SNX10: variants seen among roughly 807,000 people sequenced by gnomAD.
SNX10 encodes sorting nexin-10.
A neutral mutation model predicts 28.5 loss-of-function variants in SNX10; 25 were observed. The observed-to-expected ratio is 0.88, with a 90% confidence interval of 0.64 to 1.22. SNX10 has a LOEUF of 1.22. Among genes scored for constraint, SNX10 ranks in the 50% most tolerant of loss-of-function variants. The pLI is 0.00. For synonymous variants in SNX10, 62 were observed against 81.4 expected (o/e 0.76, Z 1.28); for missense variants, 223 against 242.6 (o/e 0.92, Z 0.54).
In SNX10 at chr7:26,361,030, A is replaced by G. The variant is rs753010873; in HGVS notation, c.80A>G (p.His27Arg). ...DPRIQKEDFW[H>R]SYIDYEICIH... ...AGGATTCAGAAGGAGGACTTCTGGC[A>G]TTCTTACATTGACTATGAGATATGT... The change falls in exon 3 of 7, where the codon CAT (histidine) becomes CGT (arginine). Residue 27 changes from histidine to arginine, a missense_variant. His to Arg is a conservative substitution (Grantham distance 29). Transcript: ENST00000338523. 26 of 1,608,220 alleles carry G rather than the reference A, an allele frequency of 1.6e-5. No individual in the cohort carries two copies. The South Asian group carries it at 2.0e-4, about 12-fold the overall frequency.
At chr7:26,328,653 C>T (rs1787603988) in intron 1 of SNX10, among the ~76,000 whole-genome samples, 1 of 152,186 alleles carries the variant, frequency 6.6e-6, no homozygotes, top group Non-Finnish European at 1.5e-5. Flanking sequence ...TGATGCCTCA[C>T]CACTGAAACT....
In SNX10 at chr7:26,371,996, G is replaced by T. The variant is rs1362602464; in HGVS notation, c.487G>T (p.Gly163Ter). Residue 163 changes from glycine to a stop codon, truncating the protein, a stop_gained, in exon 6 of 7, where the codon GGA (glycine) becomes TGA (stop). Transcript: ENST00000338523. LOFTEE classifies it high-confidence loss of function. ...ACGTTTCCCTGAAGAAGATGAAGAA[G>T]GAAAAAAAGAAAATGATATAGATTA... ...NRRFPEEDEE[G>*]KKENDIDYDS... 2.5e-6 allele frequency: 4 copies of T among 1,605,198 alleles called. No individual in the cohort carries two copies. Among genetic ancestry groups the T allele is most frequent in the Non-Finnish European group, 3.4e-6 (4 of 1,176,198 alleles).
intron 1 of SNX10, among the ~76,000 whole-genome samples, chr7:26,315,025 G>T (rs542975841): frequency 7.2e-4 from 87 of 121,334 alleles, no homozygotes; most frequent in African/African-American, 2.5e-3. Context: ...ACCAAGGAAG[G>T]GACTAGAAAG....
chr7:26,308,922 C>A (rs1453652194), intron 1 of SNX10, among the ~76,000 whole-genome samples: 1 of 152,130 alleles, frequency 6.6e-6, no homozygotes, highest in Non-Finnish European at 1.5e-5. Flanking sequence ...GAATTGATTG[C>A]TTGCTTGTTG....
chr7:26,312,269 A>T (rs1221592455), intron 1 of SNX10, among the ~76,000 whole-genome samples: 1 of 152,214 alleles, frequency 6.6e-6, no homozygotes, highest in African/African-American at 2.4e-5. Context: ...CCTGGAAGCC[A>T]TAAGGAAAAC....
chr7:26,368,160 C>T (rs1044464599), intron 5 of SNX10, among the ~76,000 whole-genome samples: 1 of 152,044 alleles, frequency 6.6e-6, no homozygotes. Context: ...ATGTTTTAGT[C>T]TCAGTACTAA....
intron 1 of SNX10, among the ~76,000 whole-genome samples, chr7:26,330,804 G>A (rs1295990004): frequency 2.0e-5 from 3 of 152,104 alleles, no homozygotes; most frequent in Non-Finnish European, 4.4e-5. Flanking sequence ...AGAATCGCTC[G>A]AGCCCTGGAG....
chr7:26,335,652 A>G (rs976161944), intron 1 of SNX10, among the ~76,000 whole-genome samples: 2 of 152,010 alleles, frequency 1.3e-5, no homozygotes, highest in Non-Finnish European at 2.9e-5. Flanking sequence ...AGCCAAGGGC[A>G]TAGGTAGTAT....
At chr7:26,299,226 C>T (rs527368897) in intron 1 of SNX10, among the ~76,000 whole-genome samples, 2 of 151,922 alleles carry the variant, frequency 1.3e-5, no homozygotes, top group South Asian at 2.1e-4. Flanking sequence ...GATGGAGTCT[C>T]GCTCTGTTGC....
chr7:26,306,192 C>G (rs1369125624), intron 1 of SNX10, among the ~76,000 whole-genome samples: 1 of 152,056 alleles, frequency 6.6e-6, no homozygotes, highest in Non-Finnish European at 1.5e-5. Flanking sequence ...ACGTGACCCA[C>G]TGCACCTGGC....
rs74752695 is a variant in SNX10, at chr7:26,328,987, A to T, written c.-23-17433A>T. 2.6e-5 allele frequency among the ~76,000 whole-genome samples: 4 copies of T among 152,202 alleles called. No individual in the cohort carries two copies. In the East Asian group the frequency reaches 5.8e-4, roughly 22 times the overall value. On this transcript the variant is annotated intron_variant, in intron 1 of 6. Transcript: ENST00000338523. ...CTGCTGCTTCTCAGTCTGGACCACC[A>T]TCACCTCTGGCCTGCACCATTAGTC...
chr7:26,321,846 A>G (rs990391487), intron 1 of SNX10, among the ~76,000 whole-genome samples: 1 of 151,450 alleles, frequency 6.6e-6, no homozygotes, highest in East Asian at 1.9e-4. Flanking sequence ...TGGCCTCAAG[A>G]TATCCTCTTG....
chr7:26,314,146 A>G (rs1016313596), intron 1 of SNX10, among the ~76,000 whole-genome samples: 7 of 151,978 alleles, frequency 4.6e-5, no homozygotes, highest in Non-Finnish European at 1.5e-5. Flanking sequence ...AACAAATACC[A>G]TTTTCTTTTT....
chr7:26,335,535 A>G (rs1787893486), intron 1 of SNX10, among the ~76,000 whole-genome samples: 1 of 151,550 alleles, frequency 6.6e-6, no homozygotes, highest in Non-Finnish European at 1.5e-5. Flanking sequence ...GGGGAGGGTC[A>G]TGACAGCCAG....
intron 2 of SNX10, among the ~76,000 whole-genome samples, chr7:26,351,709 T>G (rs528956645): frequency 7.2e-6 from 1 of 138,024 alleles, no homozygotes; most frequent in Non-Finnish European, 1.5e-5. Context: ...CAGGCTGGAG[T>G]GCAGTGGTGC....
intron 1 of SNX10, among the ~76,000 whole-genome samples, chr7:26,341,347 A>G (rs1788169310): frequency 6.6e-6 from 1 of 152,128 alleles, no homozygotes; most frequent in African/African-American, 2.4e-5. Context: ...GGTAAGAGAG[A>G]AGGAGAATGG....
intron 1 of SNX10, among the ~76,000 whole-genome samples, chr7:26,305,340 A>G (rs1307160284): frequency 1.3e-5 from 2 of 152,198 alleles, no homozygotes; most frequent in Non-Finnish European, 2.9e-5. Context: ...TAGGGAACCA[A>G]CACTCCTTAG....
In SNX10 at chr7:26,335,735, C is replaced by CTTTTTTTTTTTTTTTTT. The variant is rs57340085; in HGVS notation, c.-23-10675_-23-10659dup. The stretch of plus-strand genomic sequence containing the variant: ...AAAATAACCTCGCAGATGGAATATT[C>CTTTTTTTTTTTTTTTTT]TTTTTTTTTTTTTTTTTTTTTTTTT... On this transcript the variant is annotated intron_variant, in intron 1 of 6. Coordinates refer to ENST00000338523, the MANE Select transcript of SNX10 (RefSeq NM_013322.3). Among the ~76,000 whole-genome samples, 32 of 84,274 alleles carry CTTTTTTTTTTTTTTTTT rather than the reference C, an allele frequency of 3.8e-4. 3 individuals carry two copies. Among genetic ancestry groups the CTTTTTTTTTTTTTTTTT allele is most frequent in the South Asian group, 1.1e-3 (2 of 1,874 alleles). 55.3% of individuals were successfully genotyped at this position (84,274 alleles called of 152,430 possible). A position where few individuals can be genotyped will look rare whatever the true frequency, so the allele number is the denominator to read the frequency against.
rs1297206670 is a variant in SNX10 at position 26,353,463 on chromosome 7, T to TG, written c.24+7001dup. Among the ~76,000 whole-genome samples the TG allele has an allele frequency of 4.4e-4, 47 of 106,374 alleles. 1 individual carries two copies. The highest frequency in any genetic ancestry group is 0.013 in the Middle Eastern group (2 of 156). 69.8% of individuals were successfully genotyped at this position (106,374 alleles called of 152,430 possible). On this transcript the variant is annotated intron_variant, in intron 2 of 6. Coordinates refer to ENST00000338523, the MANE Select transcript of SNX10 (RefSeq NM_013322.3). ...TTTTTTTTTTTTTTTTTTTTTTTGG[T>TG]GGGGAGACAGAGTCTTGGTCTGTCG...
Sources: allele counts gnomAD v4.1 joint callset (sites outside exome capture counted in the v4.1 genomes callset), GRCh38; gene constraint gnomAD v4.1.1; transcripts MANE v1.5; gene names NCBI Gene and HGNC (gene_info 2026-07-23, HGNC 2026-07-21).